SLC60A1: variants seen among roughly 807,000 people sequenced by gnomAD.
The protein encoded by SLC60A1 is solute carrier family 60 member 1.
chr1:205,592,662 G>A, the SLC60A1 span, among the ~76,000 whole-genome samples: 1 of 152,116 alleles, frequency 6.6e-6, no homozygotes, highest in Non-Finnish European at 1.5e-5. Flanking sequence ...GACTTTGGCG[G>A]GAGCAGGCCC....
the SLC60A1 span, among the ~76,000 whole-genome samples, chr1:205,570,554 T>G: frequency 6.6e-6 from 1 of 152,208 alleles, no homozygotes; most frequent in Non-Finnish European, 1.5e-5. Context: ...GGACCCCACT[T>G]TAAGCCTTAA....
At chr1:205,579,087 C>A in the SLC60A1 span, among the ~76,000 whole-genome samples, 4 of 152,208 alleles carry the variant, frequency 2.6e-5, no homozygotes, top group African/African-American at 9.7e-5. Flanking sequence ...ACACGGTCAC[C>A]TTTCAGTGTG....
At chr1:205,585,371 C>T in the SLC60A1 span, among the ~76,000 whole-genome samples, 1 of 152,150 alleles carries the variant, frequency 6.6e-6, no homozygotes, top group Non-Finnish European at 1.5e-5. This position sits in a 1 kb window ranked among gnomAD's most constrained non-coding sequence, Gnocchi z 4.2. Context: ...CATTACAAAC[C>T]TGGGTGTCTC....
At chr1:205,570,227 T>C in the SLC60A1 span, among the ~76,000 whole-genome samples, 1 of 152,124 alleles carries the variant, frequency 6.6e-6, no homozygotes, top group Non-Finnish European at 1.5e-5. Context: ...CCAGATTCAC[T>C]CTCCCAGTGC....
At chr1:205,597,378 T>TTG in the SLC60A1 span, among the ~76,000 whole-genome samples, 492 of 82,500 alleles carry the variant, frequency 6.0e-3, 20 homozygotes, top group African/African-American at 9.0e-3. Context: ...AGGTTGTTTT[T>TTG]TTTTTTTTTT....
At chr1:205,579,782 TC>T in the SLC60A1 span, 1 of 1,614,140 alleles carries the variant, frequency 6.2e-7, no homozygotes. Flanking sequence ...CCTGTTCACC[TC>T]CTCTCTGGCC....
chr1:205,594,765 C>G, the SLC60A1 span, among the ~76,000 whole-genome samples: 1 of 152,136 alleles, frequency 6.6e-6, no homozygotes, highest in Non-Finnish European at 1.5e-5. Flanking sequence ...CATTGACCTG[C>G]TTGGACTAGT....
the SLC60A1 span, among the ~76,000 whole-genome samples, chr1:205,578,940 T>C: frequency 6.6e-6 from 1 of 152,232 alleles, no homozygotes; most frequent in Admixed American, 6.5e-5. Context: ...GTCTGGTTAT[T>C]GGGCAGAGTG....
At chr1:205,569,317 GCGCCCCCGCCCCGCGGCCCCCGGCACC>G in the SLC60A1 span, 11 of 1,474,394 alleles carry the variant, frequency 7.5e-6, no homozygotes, top group Non-Finnish European at 9.9e-6. Context: ...CCGCGCCCGT[GCGCCCCCGCCCCGCGGCCCCCGGCACC>G]CACCCTCGCC....
the SLC60A1 span, among the ~76,000 whole-genome samples, chr1:205,585,799 C>G: frequency 6.6e-6 from 1 of 152,154 alleles, no homozygotes; most frequent in Non-Finnish European, 1.5e-5. The surrounding 1 kb of genome is among the most constrained non-coding windows in gnomAD (Gnocchi z 4.2). Flanking sequence ...CTCTGGAACC[C>G]CTAGGTCTCC....
the SLC60A1 span, chr1:205,579,653 A>G: frequency 7.5e-7 from 1 of 1,333,878 alleles, no homozygotes. Context: ...CCAGAGGGGG[A>G]GAAATGTCTT....
the SLC60A1 span, among the ~76,000 whole-genome samples, chr1:205,589,139 G>A: frequency 4.6e-5 from 7 of 152,232 alleles, no homozygotes; most frequent in South Asian, 4.1e-4. Flanking sequence ...TGTACATGGG[G>A]TAGCCAGGTG....
chr1:205,570,168 C>A, the SLC60A1 span, among the ~76,000 whole-genome samples: 1 of 152,306 alleles, frequency 6.6e-6, no homozygotes, highest in African/African-American at 2.4e-5. Context: ...CTTATTCTCT[C>A]GGCTTAAATT....
chr1:205,595,860 C>T, the SLC60A1 span, among the ~76,000 whole-genome samples: 1 of 152,168 alleles, frequency 6.6e-6, no homozygotes, highest in African/African-American at 2.4e-5. Flanking sequence ...GTTTTTTAAA[C>T]AAATGAGTGG....
the SLC60A1 span, among the ~76,000 whole-genome samples, chr1:205,591,833 C>G: frequency 6.6e-6 from 1 of 152,218 alleles, no homozygotes; most frequent in African/African-American, 2.4e-5. Context: ...CAGATAAGAC[C>G]TTGGGGACAG....
chr1:205,579,954 G>T, the SLC60A1 span: 1 of 1,611,134 alleles, frequency 6.2e-7, no homozygotes. Context: ...CTCCAGGTAA[G>T]CCCGGCCAGC....
the SLC60A1 span, chr1:205,602,536 A>ATGTT: frequency 6.5e-6 from 1 of 152,706 alleles, no homozygotes; most frequent in South Asian, 2.1e-4. Flanking sequence ...TGCTTAATAA[A>ATGTT]TGTTAGTAAT....
At chr1:205,578,643 G>A in the SLC60A1 span, among the ~76,000 whole-genome samples, 17 of 151,988 alleles carry the variant, frequency 1.1e-4, no homozygotes, top group Non-Finnish European at 1.3e-4. Flanking sequence ...AAGGGGGTCA[G>A]GGGCAGAAGC....
At chr1:205,586,313 G>A in the SLC60A1 span, 2 of 1,356,484 alleles carry the variant, frequency 1.5e-6, no homozygotes, top group Non-Finnish European at 2.0e-6. Context: ...CTGCCAGCAG[G>A]ATGGGAACTC....
Sources: allele counts gnomAD v4.1 joint callset (sites outside exome capture counted in the v4.1 genomes callset), GRCh38; gene constraint gnomAD v4.1.1; non-coding constraint Gnocchi (gnomAD v3.1); transcripts MANE v1.5; gene names NCBI Gene and HGNC (gene_info 2026-07-23, HGNC 2026-07-21).